CEP350: variants seen among roughly 807,000 people sequenced by gnomAD.
CEP350 encodes centrosome-associated protein 350.
Under a neutral mutation model 331.8 loss-of-function variants are expected in CEP350, and 126 were observed. That is an observed-to-expected ratio of 0.38 (90% CI 0.33 to 0.44). The LOEUF is 0.44. Ranked by LOEUF, CEP350 falls within the 20% of genes least tolerant of loss-of-function variation. CEP350 has a pLI of 1.00. For synonymous variants in CEP350, 1,200 were observed against 1,259.5 expected, an observed-to-expected ratio of 0.95 and a Z score of 1.00; for missense variants, 3,406 against 3,634.6, an observed-to-expected ratio of 0.94 and a Z score of 1.62.
chr1:179,971,376 TGTA>T (rs905747488), intron 1 of CEP350, among the ~76,000 whole-genome samples: 1 of 152,038 alleles, frequency 6.6e-6, no homozygotes, highest in Non-Finnish European at 1.5e-5. Flanking sequence ...CAGGCTGGAG[TGTA>T]GTAGTGCAAT....
intron 1 of CEP350, among the ~76,000 whole-genome samples, chr1:179,957,840 T>C (rs570259690): frequency 1.3e-5 from 2 of 152,326 alleles, no homozygotes; most frequent in Admixed American, 6.5e-5. Flanking sequence ...AAAGAAAATA[T>C]AAACTTTAAG....
chr1:180,024,321 A>G (rs988823137), intron 13 of CEP350, 98 bp from the exon 14 acceptor site: 41 of 1,059,598 alleles, frequency 3.9e-5, no homozygotes, highest in Non-Finnish European at 5.4e-5. Context: ...GATTGTAGTT[A>G]TAGTCTCCTA....
intron 6 of CEP350, among the ~76,000 whole-genome samples, chr1:179,999,438 C>T (rs1050992093): frequency 6.6e-6 from 1 of 151,902 alleles, no homozygotes; most frequent in Non-Finnish European, 1.5e-5. Context: ...TTTGAGAACT[C>T]ATTATAGAAT....
At position 180,084,019 on chromosome 1, in the gene CEP350, A is replaced by G. The variant is rs1412958477; in HGVS notation, c.6126A>G (p.Glu2042=). The G allele has an allele frequency of 4.0e-6, 6 of 1,500,836 alleles. No individual in the cohort carries two copies. Among genetic ancestry groups the G allele is most frequent in the Middle Eastern group, 3.5e-4 (2 of 5,662 alleles). 93.0% of individuals were successfully genotyped at this position (1,500,836 alleles called of 1,614,324 possible). Reference sequence around the variant, plus strand: ...TAAAAGATTTTGTATCTCTTTCAGAAACTACATCTGACCAGAGTGATATTG... The same window carrying G: ...TAAAAGATTTTGTATCTCTTTCAGAGACTACATCTGACCAGAGTGATATTG... ...SDESLSMTQS[E]TTSDQSDIEG... The change falls in exon 31 of 38, where the codon GAA becomes GAG. Residue 2042 remains glutamate (E), a splice_region_variant and synonymous_variant. Coordinates refer to ENST00000367607, the MANE Select transcript of CEP350 (RefSeq NM_014810.5).
chr1:179,980,687 G>T (rs1652204901), intron 1 of CEP350, among the ~76,000 whole-genome samples: 2 of 151,982 alleles, frequency 1.3e-5, no homozygotes, highest in East Asian at 3.9e-4. Flanking sequence ...TTATGAGATT[G>T]TAGAGGTCAG....
At chr1:180,098,487 T>C (rs1343903927) in intron 36 of CEP350, among the ~76,000 whole-genome samples, 5 of 152,036 alleles carry the variant, frequency 3.3e-5, no homozygotes, top group African/African-American at 1.2e-4. Flanking sequence ...ACTACAGTCA[T>C]GTACCACCAT....
chr1:180,090,595 TA>T (rs1660135671), intron 32 of CEP350, 118 bp from the exon 33 acceptor site: 1 of 378,022 alleles, frequency 2.6e-6, no homozygotes, highest in African/African-American at 2.8e-5. Flanking sequence ...GAAAGTGACA[TA>T]GATTGACATA....
intron 21 of CEP350, among the ~76,000 whole-genome samples, chr1:180,045,847 T>G (rs921585275): frequency 5.9e-5 from 9 of 152,190 alleles, no homozygotes; most frequent in Admixed American, 2.6e-4. Context: ...AAAACTTTCT[T>G]TATAATTGAG....
intron 37 of CEP350, among the ~76,000 whole-genome samples, chr1:180,101,958 A>T (rs4652464): frequency 6.6e-6 from 1 of 151,956 alleles, no homozygotes; most frequent in African/African-American, 2.4e-5. Context: ...TCCAGAAGCT[A>T]CCTGAACTCT....
intron 25 of CEP350, among the ~76,000 whole-genome samples, chr1:180,060,012 T>G (rs1658096980): frequency 6.6e-6 from 1 of 152,128 alleles, no homozygotes; most frequent in African/African-American, 2.4e-5. Flanking sequence ...AATAAAGAGA[T>G]TTGCAAAACT....
intron 34 of CEP350, chr1:180,095,285 TAATCAATAAAC>T (rs1660420925): frequency 7.8e-6 from 3 of 382,600 alleles, no homozygotes; most frequent in Non-Finnish European, 1.4e-5. Context: ...GGGAGAGCCC[TAATCAATAAAC>T]ATTTTATAAA....
chr1:180,090,532 C>T lies in CEP350; in HGVS notation c.6426-182C>T, dbSNP rs1191367460. Reference sequence around the variant, plus strand: ...CTGCACTCCAGCCTGGGCGACAGAGCGAGACTCCGTCTCAAAAAAAAAAAA... The same window carrying T: ...CTGCACTCCAGCCTGGGCGACAGAGTGAGACTCCGTCTCAAAAAAAAAAAA... On this transcript the variant is annotated intron_variant, in intron 32 of 37. Coordinates refer to ENST00000367607, the MANE Select transcript of CEP350 (RefSeq NM_014810.5). Among the ~76,000 whole-genome samples the T allele has an allele frequency of 2.0e-4, 12 of 59,904 alleles. No individual in the cohort carries two copies. The East Asian group carries it at 4.7e-3, about 23-fold the overall frequency. 39.3% of individuals were successfully genotyped at this position (59,904 alleles called of 152,430 possible). A position where few individuals can be genotyped will look rare whatever the true frequency, so the allele number is the denominator to read the frequency against.
At chr1:180,033,563 A>AT (rs1313361476) in intron 15 of CEP350, among the ~76,000 whole-genome samples, 12 of 152,170 alleles carry the variant, frequency 7.9e-5, no homozygotes, top group African/African-American at 2.9e-4. Context: ...TGAGTGAATC[A>AT]TAGTATATGT....
chr1:179,982,657 T>A (rs1289024278), intron 1 of CEP350, among the ~76,000 whole-genome samples: 1 of 152,214 alleles, frequency 6.6e-6, no homozygotes, highest in African/African-American at 2.4e-5. Flanking sequence ...AGCACTTATT[T>A]TAGTTTTAAA....
intron 37 of CEP350, among the ~76,000 whole-genome samples, chr1:180,105,750 C>T (rs1168680152): frequency 6.6e-6 from 1 of 152,078 alleles, no homozygotes; most frequent in African/African-American, 2.4e-5. Flanking sequence ...TTAATTACCC[C>T]CTTTTAAAAC....
chr1:180,043,967 T>A (rs1656944794), intron 20 of CEP350, 84 bp from the exon 21 acceptor site: 1 of 1,139,894 alleles, frequency 8.8e-7, no homozygotes, highest in South Asian at 1.9e-5. Context: ...CAAGATTTTA[T>A]CTCATATTAC....
intron 32 of CEP350, 42 bp downstream of exon 32, chr1:180,087,759 A>G (rs752298274): frequency 2.1e-6 from 3 of 1,421,186 alleles, no homozygotes; most frequent in East Asian, 5.5e-5. Flanking sequence ...GCCTTGTTTG[A>G]AAAAGGAATA....
chr1:180,015,330 G>T (rs1186644078), intron 10 of CEP350, among the ~76,000 whole-genome samples: 1 of 152,022 alleles, frequency 6.6e-6, no homozygotes. Context: ...GCCCCCCGGG[G>T]TTCATGCCAT....
At chr1:180,015,680 A>G (rs1414660201) in intron 10 of CEP350, among the ~76,000 whole-genome samples, 169 bp from the exon 11 acceptor site, 1 of 152,086 alleles carries the variant, frequency 6.6e-6, no homozygotes, top group Non-Finnish European at 1.5e-5. Context: ...GCTATTAGTA[A>G]TGTTTGTTTT....
Sources: allele counts gnomAD v4.1 joint callset (sites outside exome capture counted in the v4.1 genomes callset), GRCh38; gene constraint gnomAD v4.1.1; transcripts MANE v1.5; gene names NCBI Gene and HGNC (gene_info 2026-07-23, HGNC 2026-07-21).